Variants in FOXP1 observed in about 807,000 individuals in gnomAD.
The protein encoded by FOXP1 is forkhead box P1.
Under a neutral mutation model 98.2 loss-of-function variants are expected in FOXP1, and 15 were observed. The observed-to-expected ratio is 0.15, with a 90% confidence interval of 0.10 to 0.24. FOXP1 has a LOEUF of 0.24. Ranked by LOEUF, FOXP1 falls within the 10% of genes least tolerant of loss-of-function variation. The probability of loss-of-function intolerance (pLI) is 1.00; values close to 1 mark genes in which losing one functional copy is unlikely to be tolerated. For synonymous variants in FOXP1, 371 were observed against 314.5 expected (o/e 1.18, Z -1.90); for missense variants, 633 against 848.5 (o/e 0.75, Z 3.15).
At chr3:71,262,936 C>T (rs1340622671) in intron 5 of FOXP1, among the ~76,000 whole-genome samples, 1 of 152,136 alleles carries the variant, frequency 6.6e-6, no homozygotes, top group Non-Finnish European at 1.5e-5. Flanking sequence ...TTCGGGTGGC[C>T]TTGGGACTCC....
chr3:71,245,072 C>T (rs993038886), intron 5 of FOXP1: 2 of 152,106 alleles, frequency 1.3e-5, no homozygotes, highest in African/African-American at 4.8e-5. Flanking sequence ...ATATACAGAG[C>T]TCAGTGGCAG....
chr3:71,456,649 G>C (rs977580103), intron 3 of FOXP1, among the ~76,000 whole-genome samples: 72 of 152,132 alleles, frequency 4.7e-4, no homozygotes, highest in African/African-American at 1.7e-3. Flanking sequence ...AGGAGGATAA[G>C]AGCAGTTCCT....
intron 5 of FOXP1, among the ~76,000 whole-genome samples, chr3:71,248,803 C>T (rs951675050): frequency 1.3e-5 from 2 of 151,996 alleles, no homozygotes; most frequent in African/African-American, 4.8e-5. Context: ...CCTCTCCAGG[C>T]TCCTCATAGT....
At chr3:71,268,981 G>A (rs1294206982) in intron 5 of FOXP1, among the ~76,000 whole-genome samples, 2 of 151,962 alleles carry the variant, frequency 1.3e-5, no homozygotes, top group Admixed American at 1.3e-4. Context: ...GCAGAAGGAA[G>A]ACAAAAATCT....
chr3:71,024,589 C>T (rs2045876118), intron 11 of FOXP1, among the ~76,000 whole-genome samples: 1 of 152,186 alleles, frequency 6.6e-6, no homozygotes, highest in African/African-American at 2.4e-5. Context: ...GACTCTCCTT[C>T]CCCAGAACGC....
intron 5 of FOXP1, among the ~76,000 whole-genome samples, chr3:71,260,129 A>G (rs1488463812): frequency 5.9e-5 from 9 of 152,002 alleles, no homozygotes; most frequent in African/African-American, 9.7e-5. Flanking sequence ...GACTACAGGC[A>G]CCTGCCACCA....
chr3:71,405,065 C>T (rs181414527), intron 3 of FOXP1, among the ~76,000 whole-genome samples: 2 of 152,352 alleles, frequency 1.3e-5, no homozygotes, highest in Non-Finnish European at 2.9e-5. Context: ...CACGCAGCCA[C>T]CAACTTCCAA....
At chr3:70,995,954 G>A (rs769331380) in intron 13 of FOXP1, among the ~76,000 whole-genome samples, 1 of 152,118 alleles carries the variant, frequency 6.6e-6, no homozygotes, top group Non-Finnish European at 1.5e-5. Flanking sequence ...TATTGAAACT[G>A]TGGTTTCGTA....
chr3:71,314,803 G>A (rs1055197777), intron 4 of FOXP1, among the ~76,000 whole-genome samples: 1 of 151,862 alleles, frequency 6.6e-6, no homozygotes, highest in African/African-American at 2.4e-5. Flanking sequence ...AAAAGACTTT[G>A]GGGAGATGTT....
chr3:71,351,116 C>G (rs1230552839), intron 4 of FOXP1, among the ~76,000 whole-genome samples: 1 of 152,154 alleles, frequency 6.6e-6, no homozygotes, highest in Non-Finnish European at 1.5e-5. Context: ...AAAACAGACT[C>G]ATGAAAGGTT....
chr3:71,531,404 G>C (rs529018385), intron 2 of FOXP1, among the ~76,000 whole-genome samples: 1 of 152,110 alleles, frequency 6.6e-6, no homozygotes, highest in Non-Finnish European at 1.5e-5. Flanking sequence ...GCTATTCTAC[G>C]GGAAGAAACT....
At chr3:71,104,134 A>G (rs1056537980) in intron 7 of FOXP1, among the ~76,000 whole-genome samples, 1 of 152,156 alleles carries the variant, frequency 6.6e-6, no homozygotes, top group East Asian at 1.9e-4. Context: ...ATCATCGTCT[A>G]TACTCCCATT....
intron 2 of FOXP1, among the ~76,000 whole-genome samples, chr3:71,534,291 G>T (rs577501992): frequency 9.9e-5 from 15 of 152,124 alleles, no homozygotes; most frequent in African/African-American, 2.9e-4. Context: ...TGGACCTGGG[G>T]GGGTGGAGGT....
intron 6 of FOXP1, among the ~76,000 whole-genome samples, chr3:71,197,147 G>C (rs1265002233): frequency 6.6e-6 from 1 of 152,174 alleles, no homozygotes; most frequent in African/African-American, 2.4e-5. Context: ...AATGGTTTGA[G>C]CACTTTGTCC....
At chr3:71,559,759 A>C (rs1234054270) in intron 2 of FOXP1, among the ~76,000 whole-genome samples, 1 of 151,934 alleles carries the variant, frequency 6.6e-6, no homozygotes, top group Non-Finnish European at 1.5e-5. Flanking sequence ...AGGTGGGAGG[A>C]TCACTTGAGC....
At chr3:71,014,325 G>T (rs2044122807) in intron 12 of FOXP1, among the ~76,000 whole-genome samples, 2 of 152,192 alleles carry the variant, frequency 1.3e-5, no homozygotes, top group South Asian at 4.2e-4. Flanking sequence ...TCAAAAAGTG[G>T]GCGAAGGATA....
intron 5 of FOXP1, among the ~76,000 whole-genome samples, chr3:71,279,687 T>C (rs1054486503): frequency 6.6e-6 from 1 of 152,182 alleles, no homozygotes. Flanking sequence ...TATACATAGC[T>C]ATAAAGTAAT....
chr3:71,059,683 T>C (rs2051201509), intron 7 of FOXP1, among the ~76,000 whole-genome samples: 1 of 152,158 alleles, frequency 6.6e-6, no homozygotes, highest in South Asian at 2.1e-4. Flanking sequence ...ATTTAGGGCA[T>C]GTGAATTAAA....
chr3:70,990,487 T>A (rs1231834918), intron 13 of FOXP1, among the ~76,000 whole-genome samples: 2 of 152,210 alleles, frequency 1.3e-5, no homozygotes, highest in African/African-American at 2.4e-5. Context: ...TTTCACGGCA[T>A]CCTTTCATTA....
Sources: allele counts gnomAD v4.1 joint callset (sites outside exome capture counted in the v4.1 genomes callset), GRCh38; gene constraint gnomAD v4.1.1; transcripts MANE v1.5; gene names NCBI Gene and HGNC (gene_info 2026-07-23, HGNC 2026-07-21).